KAZN: variants seen among roughly 807,000 people sequenced by gnomAD.
KAZN encodes the protein kazrin.
Under a neutral mutation model 87.4 loss-of-function variants are expected in KAZN, and 40 were observed. The observed-to-expected ratio is 0.46, with a 90% confidence interval of 0.36 to 0.60. KAZN has a LOEUF of 0.60. Ranked by LOEUF, KAZN falls within the 20% of genes least tolerant of loss-of-function variation. The probability of loss-of-function intolerance (pLI) is 0.00; values close to 1 mark genes in which losing one functional copy is unlikely to be tolerated. For synonymous variants in KAZN, 466 were observed against 458.3 expected (o/e 1.02, Z -0.22); for missense variants, 898 against 1,073.9 (o/e 0.84, Z 2.29).
intron 1 of KAZN, among the ~76,000 whole-genome samples, chr1:13,899,806 G>A (rs1489603431): frequency 6.6e-6 from 1 of 152,046 alleles, no homozygotes; most frequent in Non-Finnish European, 1.5e-5. Flanking sequence ...ACCATGCCCA[G>A]CTAATTTTTG....
At chr1:14,555,708 G>T (rs1204704509) in intron 2 of KAZN, among the ~76,000 whole-genome samples, 2 of 152,186 alleles carry the variant, frequency 1.3e-5, no homozygotes, top group Admixed American at 6.5e-5. Context: ...TCAGCTGTAA[G>T]ATACAGGATT....
intron 1 of KAZN, among the ~76,000 whole-genome samples, chr1:14,763,240 A>G (rs1294767306): frequency 6.6e-6 from 1 of 152,240 alleles, no homozygotes; most frequent in Non-Finnish European, 1.5e-5. Flanking sequence ...CAGCAGTCGT[A>G]CCATACAGCA....
chr1:14,836,961 C>T (rs1485525076), intron 1 of KAZN, among the ~76,000 whole-genome samples: 30 of 152,120 alleles, frequency 2.0e-4, no homozygotes, highest in Admixed American at 1.8e-3. Context: ...CCCAGGTAAC[C>T]GCCTTCCTGA....
At chr1:14,734,681 T>G (rs1643838127) in intron 1 of KAZN, among the ~76,000 whole-genome samples, 1 of 152,224 alleles carries the variant, frequency 6.6e-6, no homozygotes, top group African/African-American at 2.4e-5. Context: ...ACACTTTGAC[T>G]AGCAAAGGCT....
intron 2 of KAZN, among the ~76,000 whole-genome samples, chr1:14,560,972 T>A (rs185436741): frequency 2.0e-5 from 3 of 152,250 alleles, no homozygotes; most frequent in African/African-American, 7.2e-5. Flanking sequence ...GGAAGAGAAG[T>A]GTGTGGCTGT....
At chr1:15,046,046 G>A (rs561950181) in intron 4 of KAZN, among the ~76,000 whole-genome samples, 4 of 152,190 alleles carry the variant, frequency 2.6e-5, no homozygotes, top group South Asian at 4.2e-4. Flanking sequence ...GCCTGTAATC[G>A]CAGCACTTTG....
rs374996654 is a variant in KAZN, at chr1:15,036,624, C to T, written c.555+1739C>T. On this transcript the variant is annotated intron_variant, in intron 3 of 14. Transcript: ENST00000376030. ...GCAGCTCGTGGGCCTGGGGTCCGCT[C>T]CTTAGGGTGAGGCTGTCTCAGCAGC... Among the ~76,000 whole-genome samples, 57 of 152,138 alleles carry T rather than the reference C, an allele frequency of 3.7e-4. 2 individuals carry two copies. The South Asian group carries it at 6.8e-3, about 18-fold the overall frequency.
At chr1:14,783,965 G>T (rs1645429650) in intron 1 of KAZN, among the ~76,000 whole-genome samples, 1 of 152,200 alleles carries the variant, frequency 6.6e-6, no homozygotes, top group African/African-American at 2.4e-5. Context: ...GTGGACAGCA[G>T]TGACCCCTAA....
intron 2 of KAZN, among the ~76,000 whole-genome samples, chr1:15,031,374 C>T (rs1671678459): frequency 6.6e-6 from 1 of 152,212 alleles, no homozygotes; most frequent in Non-Finnish European, 1.5e-5. Context: ...TCAGAAACCC[C>T]TCCTTGGTAT....
At chr1:14,318,013 C>G (rs1367619467) in intron 2 of KAZN, among the ~76,000 whole-genome samples, 2 of 151,826 alleles carry the variant, frequency 1.3e-5, no homozygotes, top group African/African-American at 4.8e-5. Flanking sequence ...TCTTTTTTCC[C>G]CTTTTCCATT....
intron 1 of KAZN, among the ~76,000 whole-genome samples, chr1:14,676,472 G>T (rs1316164810): frequency 2.0e-5 from 3 of 152,142 alleles, no homozygotes; most frequent in Non-Finnish European, 4.4e-5. Context: ...GATGATGCTT[G>T]CTCTGTCCTC....
chr1:14,559,725 C>T (rs1461756958), intron 2 of KAZN, among the ~76,000 whole-genome samples: 5 of 152,146 alleles, frequency 3.3e-5, no homozygotes. Context: ...CCACTGTCTC[C>T]ACCCCACTCT....
At chr1:14,314,981 A>G (rs1210422218) in intron 2 of KAZN, among the ~76,000 whole-genome samples, 2 of 152,138 alleles carry the variant, frequency 1.3e-5, no homozygotes, top group African/African-American at 4.8e-5. Flanking sequence ...TTCAAGGTTC[A>G]TCAATGCTGT....
intron 1 of KAZN, among the ~76,000 whole-genome samples, chr1:14,754,744 C>A (rs1230862786): frequency 6.6e-6 from 1 of 152,004 alleles, no homozygotes. Context: ...TGTTCTCATG[C>A]AAGGAGAGGG....
At chr1:14,078,102 A>T (rs1037185063) in intron 1 of KAZN, among the ~76,000 whole-genome samples, 1 of 152,214 alleles carries the variant, frequency 6.6e-6, no homozygotes, top group Non-Finnish European at 1.5e-5. Flanking sequence ...TAAGGGGTTC[A>T]TGTATTCTTG....
intron 1 of KAZN, among the ~76,000 whole-genome samples, chr1:14,604,418 A>G (rs992067122): frequency 6.6e-6 from 1 of 152,194 alleles, no homozygotes; most frequent in Non-Finnish European, 1.5e-5. Flanking sequence ...ATCCCCTGCC[A>G]GGCCCATCTC....
chr1:15,011,374 G>C (rs954283564), intron 2 of KAZN, among the ~76,000 whole-genome samples: 4 of 152,204 alleles, frequency 2.6e-5, no homozygotes, highest in African/African-American at 9.7e-5. Context: ...GGTCTGGCAA[G>C]ATCCCAGCTC....
In KAZN at chr1:15,005,315, TG is replaced by T. The variant is rs202061714; in HGVS notation, c.419-29433del. Among the ~76,000 whole-genome samples, 456 of 152,350 alleles carry T rather than the reference TG, an allele frequency of 3.0e-3. 1 individual carries two copies. Among genetic ancestry groups the T allele is most frequent in the African/African-American group, 0.01 (425 of 41,574 alleles). On this transcript the variant is annotated intron_variant, in intron 2 of 14. Transcript: ENST00000376030. ...TGACTCATTACAGACCACGTGCCAG[TG>T]TTTGCAAGGCAGTCACCGGGCAGGT...
chr1:14,802,404 C>CAAAAAAAAAAA (rs35172215), intron 1 of KAZN, among the ~76,000 whole-genome samples: 1 of 135,336 alleles, frequency 7.4e-6, no homozygotes. Context: ...ACTCTTGTCT[C>CAAAAAAAAAAA]AAAAAAAAAA....
Sources: allele counts gnomAD v4.1 joint callset (sites outside exome capture counted in the v4.1 genomes callset), GRCh38; gene constraint gnomAD v4.1.1; transcripts MANE v1.5; gene names NCBI Gene and HGNC (gene_info 2026-07-23, HGNC 2026-07-21).